The following TXNDC11 variants were observed in gnomAD, a reference collection of about 807,000 sequenced individuals.
TXNDC11 encodes the protein thioredoxin domain-containing protein 11.
Under a neutral mutation model 78.0 loss-of-function variants are expected in TXNDC11, and 68 were observed. The ratio of observed to expected loss-of-function variants is 0.87; its 90% CI spans 0.72 to 1.07. The LOEUF (loss-of-function observed/expected upper bound fraction) is 1.07. TXNDC11 is among the 50% of genes least tolerant of loss of function. TXNDC11 has a pLI of 0.00. For synonymous variants in TXNDC11, 571 were observed against 495.2 expected (o/e 1.15, Z -2.03); for missense variants, 1,389 against 1,221.8 (o/e 1.14, Z -2.04).
intron 5 of TXNDC11, among the ~76,000 whole-genome samples, chr16:11,718,145 C>G (rs1268251590): frequency 6.6e-6 from 1 of 152,158 alleles, no homozygotes; most frequent in African/African-American, 2.4e-5. Context: ...CTCCTCACAG[C>G]ACACCCTACA....
Position 11,691,289 on chromosome 16 carries a change from C to G in TXNDC11, c.1900+1G>C. The G allele has an allele frequency of 6.2e-7, 1 of 1,610,432 alleles. No homozygotes were observed. The highest frequency in any genetic ancestry group is 8.5e-7 in the Non-Finnish European group (1 of 1,178,030). ...TTGGGGAAATAAACTGCCTGCAGTA[C>G]CTAGGGTGAGCTTCATCAGTGCTTG... is the stretch of plus-strand genomic sequence containing the variant. On this transcript the variant is annotated splice_donor_variant, in intron 8 of 11. Coordinates refer to ENST00000283033, the MANE Select transcript of TXNDC11 (RefSeq NM_015914.7). LOFTEE classifies it high-confidence loss of function.
chr16:11,693,688 A>G (rs1339089509), intron 7 of TXNDC11, among the ~76,000 whole-genome samples: 1 of 152,224 alleles, frequency 6.6e-6, no homozygotes, highest in Non-Finnish European at 1.5e-5. Context: ...GGTCAAGAAA[A>G]GAAGTCACTT....
At chr16:11,736,827 C>G (rs1164278849) in intron 1 of TXNDC11, among the ~76,000 whole-genome samples, 5 of 152,178 alleles carry the variant, frequency 3.3e-5, no homozygotes, top group African/African-American at 1.2e-4. Context: ...AAGCAACAGC[C>G]TATTTAACTG....
Position 11,710,709 on chromosome 16 carries a change from C to T in TXNDC11, c.794-10145G>A, listed in dbSNP as rs566935363. On this transcript the variant is annotated intron_variant, in intron 5 of 11. Coordinates refer to ENST00000283033, the MANE Select transcript of TXNDC11 (RefSeq NM_015914.7). Reference sequence around the variant, plus strand: ...TACAAAAATTAACTGGGTGTGATGGCGTGAGCCTGCAGGAAGATCACCTGA... The same window carrying T: ...TACAAAAATTAACTGGGTGTGATGGTGTGAGCCTGCAGGAAGATCACCTGA... 9.9e-4 allele frequency among the ~76,000 whole-genome samples: 150 copies of T among 152,222 alleles called. 3 individuals are homozygous for T. In the South Asian group the frequency reaches 0.029, roughly 29 times the overall value.
chr16:11,718,009 G>T (rs2051594068), intron 5 of TXNDC11, among the ~76,000 whole-genome samples: 3 of 150,454 alleles, frequency 2.0e-5, no homozygotes. Context: ...GGTGGTAAGT[G>T]AATTTCCTTT....
intron 1 of TXNDC11, among the ~76,000 whole-genome samples, chr16:11,739,086 G>C (rs939096782): frequency 6.6e-6 from 1 of 152,218 alleles, no homozygotes; most frequent in East Asian, 1.9e-4. Flanking sequence ...AAAAATGTAG[G>C]TCTGACAGTC....
At chr16:11,709,256 A>ATTTTTTT (rs1555486409) in intron 5 of TXNDC11, among the ~76,000 whole-genome samples, 2 of 99,460 alleles carry the variant, frequency 2.0e-5, no homozygotes, top group Non-Finnish European at 2.3e-5. Flanking sequence ...ATAAGCTGTG[A>ATTTTTTT]TTCTTTTTTT....
At chr16:11,739,499 G>A (rs578222727) in intron 1 of TXNDC11, among the ~76,000 whole-genome samples, 1 of 152,086 alleles carries the variant, frequency 6.6e-6, no homozygotes, top group Non-Finnish European at 1.5e-5. Context: ...CCTGTGAATA[G>A]CCACTGCACT....
chr16:11,709,727 G>T (rs890282981), intron 5 of TXNDC11, among the ~76,000 whole-genome samples: 1 of 151,852 alleles, frequency 6.6e-6, no homozygotes, highest in African/African-American at 2.4e-5. Context: ...GAGCCACCGC[G>T]CCTGGCAGCT....
chr16:11,683,757 T>TTC (rs1428219634), intron 11 of TXNDC11, among the ~76,000 whole-genome samples: 2 of 150,422 alleles, frequency 1.3e-5, no homozygotes, highest in African/African-American at 4.9e-5. Flanking sequence ...ACTTTTTTTT[T>TTC]TTTTTTTTTT....
At chr16:11,691,249 C>A (rs762872189) in intron 8 of TXNDC11, 41 bp downstream of exon 8, 2 of 1,540,766 alleles carry the variant, frequency 1.3e-6, no homozygotes. Context: ...TGAAGTCAAG[C>A]AAAATGTACA....
intron 7 of TXNDC11, among the ~76,000 whole-genome samples, chr16:11,693,099 C>T (rs1215109471): frequency 6.6e-6 from 1 of 152,182 alleles, no homozygotes; most frequent in African/African-American, 2.4e-5. Flanking sequence ...GCAGAAGCCA[C>T]ATTGGATTTA....
chr16:11,739,934 T>C (rs1202706170), intron 1 of TXNDC11, among the ~76,000 whole-genome samples: 1 of 151,784 alleles, frequency 6.6e-6, no homozygotes, highest in Admixed American at 6.6e-5. Context: ...TGGCTCACAC[T>C]GTAATCCCAG....
At position 11,691,467 on chromosome 16, in the gene TXNDC11, T is replaced by C. The variant is rs756454609; in HGVS notation, c.1723A>G (p.Arg575Gly). Residue 575 changes from arginine to glycine, a missense_variant, in exon 8 of 12, where the codon AGA (arginine) becomes GGA (glycine). Arg to Gly is a moderately radical substitution (Grantham distance 125). Transcript: ENST00000283033. ...TAGATGTTGAGAGTCTTGTTGGTTC[T>C]GCAGCTCAGGCCTGTGAAGTTTGTG... is the stretch of plus-strand genomic sequence containing the variant. ...TSTNFTGLSC[R>G]TNKTLNIYLL... The C allele has an allele frequency of 8.7e-6, 14 of 1,614,146 alleles. No homozygotes were observed. In the African/African-American group the frequency reaches 1.9e-4, roughly 22 times the overall value.
intron 10 of TXNDC11, among the ~76,000 whole-genome samples, chr16:11,686,064 T>C (rs941001365): frequency 1.3e-5 from 2 of 152,164 alleles, no homozygotes; most frequent in Non-Finnish European, 2.9e-5. Context: ...ATTCAAGTGA[T>C]TCTCCTGCCT....
intron 5 of TXNDC11, among the ~76,000 whole-genome samples, chr16:11,716,446 T>C (rs897387394): frequency 6.6e-6 from 1 of 152,186 alleles, no homozygotes; most frequent in Non-Finnish European, 1.5e-5. Context: ...AATGTAAAAA[T>C]GTTACAAGAG....
At chr16:11,741,943 A>T (rs1020163104) in intron 1 of TXNDC11, 2 of 152,508 alleles carry the variant, frequency 1.3e-5, no homozygotes, top group African/African-American at 2.4e-5. Context: ...GAGGCAGAAG[A>T]ACCCCTTGAA....
At chr16:11,695,597 G>A (rs183866335) in intron 7 of TXNDC11, among the ~76,000 whole-genome samples, 2 of 152,086 alleles carry the variant, frequency 1.3e-5, no homozygotes, top group Non-Finnish European at 2.9e-5. Context: ...CAGTTTCCCC[G>A]ATCATAGACC....
intron 1 of TXNDC11, chr16:11,742,219 G>C (rs1257612442): frequency 9.5e-6 from 4 of 420,200 alleles, no homozygotes; most frequent in Non-Finnish European, 1.7e-5. Flanking sequence ...GAGCACCCCC[G>C]ACCCGCCTCC....
Sources: gnomAD v4.1 joint callset for allele counts (sites outside exome capture counted in the v4.1 genomes callset) on GRCh38, gnomAD v4.1.1 for gene constraint, MANE v1.5 for transcripts, NCBI Gene and HGNC (gene_info 2026-07-23, HGNC 2026-07-21) for gene names.